Variants in IGDCC3 observed in about 807,000 individuals in gnomAD.
The protein encoded by IGDCC3 is putative neuronal cell adhesion molecule.
A neutral mutation model predicts 72.0 loss-of-function variants in IGDCC3; 47 were observed. The ratio of observed to expected loss-of-function variants is 0.65; its 90% CI spans 0.52 to 0.83. The LOEUF is 0.83. Ranked by LOEUF, IGDCC3 falls within the 40% of genes least tolerant of loss-of-function variation. The pLI is 0.00. For missense variants in IGDCC3, 1,038 were observed against 1,091.3 expected (o/e 0.95, Z 0.69); for synonymous variants, 477 against 472.8 (o/e 1.01, Z -0.11).
chr15:65,346,345 C>T (rs1171332842), intron 2 of IGDCC3, among the ~76,000 whole-genome samples: 1 of 152,192 alleles, frequency 6.6e-6, no homozygotes, highest in African/African-American at 2.4e-5. Context: ...TAGTCTAGCC[C>T]ACTGGGTTGT....
intron 8 of IGDCC3, 62 bp from the exon 9 acceptor site, chr15:65,331,276 T>G: frequency 6.3e-7 from 1 of 1,588,298 alleles, no homozygotes; most frequent in Non-Finnish European, 8.6e-7. Context: ...CCAGCATTGG[T>G]GAAATGAGGG....
At chr15:65,358,421 T>C (rs966770954) in intron 2 of IGDCC3, among the ~76,000 whole-genome samples, 2 of 152,166 alleles carry the variant, frequency 1.3e-5, no homozygotes, top group Non-Finnish European at 2.9e-5. Context: ...ACCATTTTAA[T>C]GCTATACAGG....
chr15:65,329,042 T>C lies in IGDCC3; in HGVS notation c.2312A>G (p.Glu771Gly), dbSNP rs2090950364. 1 of 1,612,592 alleles carries C rather than the reference T, an allele frequency of 6.2e-7. No homozygotes were observed. The highest frequency in any genetic ancestry group is 8.5e-7 in the Non-Finnish European group (1 of 1,179,536). The part of the protein sequence containing the change: ...EGKTTEAKTT[E>G]ATAPCAGLAA... ...CAGGCCGGCGCAGGGAGCCGTGGCCTCTGTGGTCTTCGCCTCCGTCGTCTT... is the reference window on the plus strand; with the variant it reads ...CAGGCCGGCGCAGGGAGCCGTGGCCCCTGTGGTCTTCGCCTCCGTCGTCTT... Residue 771 changes from glutamate to glycine, a missense_variant, in exon 14 of 14, where the codon GAG (glutamate) becomes GGG (glycine). Glu to Gly is a moderately conservative substitution (Grantham distance 98). Transcript: ENST00000327987. This position sits in a 1 kb window ranked among gnomAD's most constrained non-coding sequence, Gnocchi z 4.1.
Position 65,340,577 on chromosome 15 carries a change from C to T in IGDCC3, c.410-4621G>A, listed in dbSNP as rs140631152. On this transcript the variant is annotated intron_variant, in intron 2 of 13. Transcript: ENST00000327987. ...CCTTGTATCTATCCCTGCCAAAGACCAGGGACACGCAGCCTTTTGGATGTC... is the reference window on the plus strand; with the variant it reads ...CCTTGTATCTATCCCTGCCAAAGACTAGGGACACGCAGCCTTTTGGATGTC... 1.7e-4 allele frequency among the ~76,000 whole-genome samples: 26 copies of T among 152,258 alleles called. No homozygotes were observed. In the East Asian group the frequency reaches 4.8e-3, roughly 28 times the overall value.
chr15:65,364,920 G>A (rs1460704741), intron 2 of IGDCC3, among the ~76,000 whole-genome samples: 1 of 152,166 alleles, frequency 6.6e-6, no homozygotes, highest in Non-Finnish European at 1.5e-5. Flanking sequence ...ATGCACGCCA[G>A]TGTTTCCTAG....
chr15:65,350,757 C>T (rs779105646), intron 2 of IGDCC3, among the ~76,000 whole-genome samples: 2 of 152,316 alleles, frequency 1.3e-5, no homozygotes, highest in East Asian at 1.9e-4. Flanking sequence ...CCATGGTACC[C>T]GACCAAGAGT....
intron 4 of IGDCC3, among the ~76,000 whole-genome samples, 154 bp downstream of exon 4, chr15:65,335,137 T>C (rs1460975911): frequency 1.3e-5 from 2 of 152,086 alleles, no homozygotes; most frequent in Non-Finnish European, 2.9e-5. Context: ...CTTAGATTCC[T>C]GTGCACCCTC....
chr15:65,361,664 T>C (rs2140164668), intron 2 of IGDCC3, among the ~76,000 whole-genome samples: 1 of 146,572 alleles, frequency 6.8e-6, no homozygotes. Flanking sequence ...TCCTGGATGC[T>C]GGGAGCCCGG....
At chr15:65,355,073 C>A (rs774526147) in intron 2 of IGDCC3, among the ~76,000 whole-genome samples, 3 of 152,214 alleles carry the variant, frequency 2.0e-5, no homozygotes, top group Non-Finnish European at 2.9e-5. Context: ...GCCCCCCAAC[C>A]CTTGCTCCCA....
Position 65,377,199 on chromosome 15 carries a change from G to C in IGDCC3, c.103+487C>G, listed in dbSNP as rs766097532. Reference sequence around the variant, plus strand: ...CCGCGCACTCCTCAGCCCAGTACCAGCTCCAAATGCAGGTCGTGCCATCTC... The same window carrying C: ...CCGCGCACTCCTCAGCCCAGTACCACCTCCAAATGCAGGTCGTGCCATCTC... On this transcript the variant is annotated intron_variant, in intron 1 of 13. Coordinates refer to ENST00000327987, the MANE Select transcript of IGDCC3 (RefSeq NM_004884.4). This position sits in a 1 kb window ranked among gnomAD's most constrained non-coding sequence, Gnocchi z 4.9. Among the ~76,000 whole-genome samples, 2 of 152,088 alleles carry C rather than the reference G, an allele frequency of 1.3e-5. No individual in the cohort carries two copies. The highest frequency in any genetic ancestry group is 1.3e-4 in the Admixed American group (2 of 15,278).
At chr15:65,330,202 C>A (rs2090963610) in intron 11 of IGDCC3, 91 bp downstream of exon 11, 2 of 967,250 alleles carry the variant, frequency 2.1e-6, no homozygotes, top group African/African-American at 3.2e-5. Flanking sequence ...TGGTCTAAGC[C>A]TGTGTTTTCA....
intron 2 of IGDCC3, among the ~76,000 whole-genome samples, chr15:65,359,643 G>T (rs1350709020): frequency 6.6e-6 from 1 of 152,238 alleles, no homozygotes; most frequent in Non-Finnish European, 1.5e-5. Context: ...GACCTTGGAA[G>T]AAGGGTGTTT....
At chr15:65,332,648 C>G (rs923720702) in intron 6 of IGDCC3, among the ~76,000 whole-genome samples, 1 of 152,214 alleles carries the variant, frequency 6.6e-6, no homozygotes, top group Admixed American at 6.5e-5. Flanking sequence ...GTTCCTAATT[C>G]TCCCACTTCC....
intron 2 of IGDCC3, among the ~76,000 whole-genome samples, chr15:65,372,272 A>T (rs2091330636): frequency 6.6e-6 from 1 of 152,198 alleles, no homozygotes; most frequent in African/African-American, 2.4e-5. Context: ...AACTGGGATG[A>T]GGGAGCATTA....
At position 65,329,921 on chromosome 15, in the gene IGDCC3, C is replaced by T. The variant is rs1016831252; in HGVS notation, c.1859-57G>A. On this transcript the variant is annotated intron_variant, in intron 11 of 13. Coordinates refer to ENST00000327987, the MANE Select transcript of IGDCC3 (RefSeq NM_004884.4). The surrounding 1 kb of genome is among the most constrained non-coding windows in gnomAD (Gnocchi z 4.1). ...TCTCCAGGTCTGAAGCACTCCCAAACACCCAGCCTCTGGGGACTCCTCTTC... is the reference window on the plus strand; with the variant it reads ...TCTCCAGGTCTGAAGCACTCCCAAATACCCAGCCTCTGGGGACTCCTCTTC... The T allele has an allele frequency of 3.2e-5, 51 of 1,594,856 alleles. No individual in the cohort carries two copies. The highest frequency in any genetic ancestry group is 3.8e-5 in the Non-Finnish European group (44 of 1,165,492).
At chr15:65,345,781 TA>T (rs2091119901) in intron 2 of IGDCC3, among the ~76,000 whole-genome samples, 1 of 152,144 alleles carries the variant, frequency 6.6e-6, no homozygotes, top group South Asian at 2.1e-4. Flanking sequence ...TCCATCTGTA[TA>T]ACTCTGAGAG....
At chr15:65,355,731 A>T (rs1465821265) in intron 2 of IGDCC3, 2 of 426,006 alleles carry the variant, frequency 4.7e-6, no homozygotes, top group Non-Finnish European at 9.0e-6. Context: ...CGCTCGCACC[A>T]CCGCGGGTGA....
intron 2 of IGDCC3, chr15:65,355,839 G>C: frequency 2.4e-6 from 1 of 423,274 alleles, no homozygotes. Context: ...GGGCGAGCGA[G>C]GCACCATTTC....
At chr15:65,344,685 T>C (rs1412618144) in intron 2 of IGDCC3, among the ~76,000 whole-genome samples, 1 of 152,154 alleles carries the variant, frequency 6.6e-6, no homozygotes, top group Non-Finnish European at 1.5e-5. Context: ...AGGCTGGACT[T>C]TTACAACCCA....
Sources: gnomAD v4.1 joint callset for allele counts (sites outside exome capture counted in the v4.1 genomes callset) on GRCh38, gnomAD v4.1.1 for gene constraint, Gnocchi (gnomAD v3.1) non-coding constraint, MANE v1.5 for transcripts, NCBI Gene and HGNC (gene_info 2026-07-23, HGNC 2026-07-21) for gene names.